The following SH3RF1 variants were observed in gnomAD, a reference collection of about 807,000 sequenced individuals.
SH3RF1 encodes the protein E3 ubiquitin-protein ligase SH3RF1.
A neutral mutation model predicts 74.0 loss-of-function variants in SH3RF1; 32 were observed. The observed-to-expected ratio is 0.43, with a 90% CI of 0.33 to 0.58. The LOEUF (loss-of-function observed/expected upper bound fraction) is 0.58. Among genes scored for constraint, SH3RF1 ranks in the 20% least tolerant of loss-of-function variants. The pLI is 0.05. For missense variants in SH3RF1, 954 were observed against 1,130.9 expected (o/e 0.84, Z 2.24); for synonymous variants, 396 against 439.6 (o/e 0.90, Z 1.24).
At chr4:169,216,346 A>T (rs552302825) in intron 2 of SH3RF1, among the ~76,000 whole-genome samples, 62 of 152,334 alleles carry the variant, frequency 4.1e-4, no homozygotes, top group African/African-American at 1.5e-3. Flanking sequence ...TTAAGCATTT[A>T]AAAATTTTCA....
chr4:169,204,298 A>G (rs1038165810), intron 2 of SH3RF1, among the ~76,000 whole-genome samples: 5 of 12,518 alleles, frequency 4.0e-4, no homozygotes, highest in Non-Finnish European at 8.5e-3. Flanking sequence ...AACTAATTCA[A>G]TGAATTTCCA....
intron 2 of SH3RF1, among the ~76,000 whole-genome samples, chr4:169,167,355 A>C (rs935543274): frequency 6.6e-5 from 10 of 152,222 alleles, no homozygotes; most frequent in Non-Finnish European, 1.3e-4. Context: ...TAGAATTTAC[A>C]TAGATTGCTA....
chr4:169,113,837 A>C (rs1159419003), intron 10 of SH3RF1, among the ~76,000 whole-genome samples: 4 of 152,226 alleles, frequency 2.6e-5, no homozygotes, highest in Non-Finnish European at 2.9e-5. Context: ...AGGAATAGGA[A>C]AAGAAAACTT....
In SH3RF1 at chr4:169,107,062, C is replaced by G. The variant is rs1390553877; in HGVS notation, c.2283G>C (p.Leu761=). The stretch of plus-strand genomic sequence containing the variant: ...CCCTGCCATGGCCACCTCCTGGTGG[C>G]AGTTCGGGCCCCACCGCTCCCTGGA... ...LPLQGAVGPE[L]PPGGGHGRAG... is the part of the protein sequence containing the mutation. Residue 761 remains leucine (L), a synonymous_variant, in exon 11 of 12, where the codon CTG becomes CTC. Coordinates refer to ENST00000284637, the MANE Select transcript of SH3RF1 (RefSeq NM_020870.4). The G allele has an allele frequency of 6.2e-7, 1 of 1,613,878 alleles. No individual in the cohort carries two copies. The highest frequency in any genetic ancestry group is 1.7e-5 in the Admixed American group (1 of 60,006).
chr4:169,215,713 T>A (rs1730451509), intron 2 of SH3RF1, among the ~76,000 whole-genome samples: 1 of 152,228 alleles, frequency 6.6e-6, no homozygotes, highest in Non-Finnish European at 1.5e-5. Flanking sequence ...AATTCACAGA[T>A]TTATTATCTA....
At chr4:169,151,451 T>C (rs988259510) in intron 4 of SH3RF1, among the ~76,000 whole-genome samples, 17 of 152,108 alleles carry the variant, frequency 1.1e-4, no homozygotes, top group African/African-American at 4.1e-4. Flanking sequence ...AGATAATTAG[T>C]AGTAGAGTCA....
chr4:169,153,026 T>C (rs1162479693), intron 4 of SH3RF1, among the ~76,000 whole-genome samples: 2 of 152,104 alleles, frequency 1.3e-5, no homozygotes, highest in Admixed American at 1.3e-4. Context: ...AGGTCCACAA[T>C]CCTACCCCAA....
At chr4:169,261,917 CTA>C (rs1006113090) in intron 2 of SH3RF1, among the ~76,000 whole-genome samples, 6 of 151,874 alleles carry the variant, frequency 4.0e-5, no homozygotes, top group South Asian at 2.1e-4. Flanking sequence ...AAGAAAAATA[CTA>C]TGAGTATTTT....
intron 2 of SH3RF1, among the ~76,000 whole-genome samples, chr4:169,228,744 G>A (rs1236324147): frequency 6.6e-6 from 1 of 152,122 alleles, no homozygotes; most frequent in Admixed American, 6.6e-5. Context: ...CTGCAGCATG[G>A]AATCATCCAT....
At chr4:169,269,340 C>T in intron 1 of SH3RF1, 33 bp from the exon 2 acceptor site, 1 of 1,019,066 alleles carries the variant, frequency 9.8e-7, no homozygotes, top group East Asian at 2.7e-5. Flanking sequence ...GAAAAGAGAA[C>T]ATGAGTGTTG....
At chr4:169,125,492 G>A (rs1014540663) in intron 6 of SH3RF1, among the ~76,000 whole-genome samples, 2 of 152,170 alleles carry the variant, frequency 1.3e-5, no homozygotes, top group South Asian at 2.1e-4. Context: ...AGTCCAGTAC[G>A]TCTCAAACTT....
chr4:169,164,852 T>C (rs1429569850), intron 2 of SH3RF1, among the ~76,000 whole-genome samples: 2 of 152,206 alleles, frequency 1.3e-5, no homozygotes, highest in African/African-American at 4.8e-5. Flanking sequence ...ATGCAGTTGA[T>C]ATGGCATTTC....
intron 2 of SH3RF1, among the ~76,000 whole-genome samples, chr4:169,249,009 C>T (rs1361005538): frequency 2.6e-5 from 4 of 152,128 alleles, no homozygotes; most frequent in South Asian, 2.1e-4. Flanking sequence ...GGGCAGATCA[C>T]GAGGTCAGGA....
intron 2 of SH3RF1, among the ~76,000 whole-genome samples, chr4:169,160,324 A>T (rs190160559): frequency 1.1e-4 from 16 of 152,316 alleles, no homozygotes; most frequent in Admixed American, 3.9e-4. Context: ...TCACTTCCAC[A>T]CACCAGTGGC....
chr4:169,230,956 G>A (rs962989681), intron 2 of SH3RF1, among the ~76,000 whole-genome samples: 3 of 151,816 alleles, frequency 2.0e-5, no homozygotes, highest in African/African-American at 7.3e-5. Context: ...TAAACAATAG[G>A]CTCAAAAGGT....
At chr4:169,217,295 A>G (rs1730481957) in intron 2 of SH3RF1, 1 of 152,358 alleles carries the variant, frequency 6.6e-6, no homozygotes, top group South Asian at 2.1e-4. Context: ...ACCCAGAGGT[A>G]AAGGCAATTG....
At chr4:169,270,053 T>C (rs1222790044) in intron 1 of SH3RF1, 1 of 152,364 alleles carries the variant, frequency 6.6e-6, no homozygotes, top group Non-Finnish European at 1.5e-5. Flanking sequence ...GACTGGAAAC[T>C]GTGGGCATAT....
At chr4:169,186,431 A>G (rs928930662) in intron 2 of SH3RF1, among the ~76,000 whole-genome samples, 1 of 152,008 alleles carries the variant, frequency 6.6e-6, no homozygotes, top group Non-Finnish European at 1.5e-5. Context: ...ACTAACTATA[A>G]AACACTTATT....
At position 169,130,077 on chromosome 4, in the gene SH3RF1, G is replaced by A. The variant is rs186301150; in HGVS notation, c.1148C>T (p.Pro383Leu). ...GGCAGCTTGGTAGGGAACATCTGAT[G>A]GGAAAGTAAACGAGGGGCCAGTTGT... ...PVTTGPSFTF[P>L]SDVPYQAALG... Residue 383 changes from proline (P) to leucine (L), a missense_variant, in exon 6 of 12, where the codon CCA (proline) becomes CTA (leucine). This residue lies in a region of SH3RF1 where 854 missense variants were observed against 962.5 expected (regional missense o/e 0.89). Coordinates refer to ENST00000284637, the MANE Select transcript of SH3RF1 (RefSeq NM_020870.4). The A allele has an allele frequency of 1.2e-6, 2 of 1,613,608 alleles. No homozygotes were observed. The highest frequency in any genetic ancestry group is 1.3e-5 in the African/African-American group (1 of 74,972).
Sources: allele counts gnomAD v4.1 joint callset (sites outside exome capture counted in the v4.1 genomes callset), GRCh38; gene constraint gnomAD v4.1.1; regional missense constraint gnomAD v4.1.1; transcripts MANE v1.5; gene names NCBI Gene and HGNC (gene_info 2026-07-23, HGNC 2026-07-21).